Variants in USH2A observed in about 807,000 individuals in gnomAD.
USH2A encodes the protein usherin.
In USH2A, 443 loss-of-function variants were observed where a neutral mutation model predicts 538.9. The observed-to-expected ratio is 0.82, with a 90% CI of 0.76 to 0.89. The LOEUF is 0.89. Ranked by LOEUF, USH2A falls within the 40% of genes least tolerant of loss-of-function variation. USH2A has a pLI of 0.00. For missense variants in USH2A, 6,633 were observed against 6,324.8 expected (o/e 1.05, Z -1.65); for synonymous variants, 2,413 against 2,273.5 (o/e 1.06, Z -1.75).
chr1:216,212,351 G>A (rs2035258504), intron 15 of USH2A, among the ~76,000 whole-genome samples: 1 of 152,094 alleles, frequency 6.6e-6, no homozygotes, highest in Admixed American at 6.5e-5. Context: ...ACACTTTTGA[G>A]AATAATATTA....
intron 69 of USH2A, among the ~76,000 whole-genome samples, chr1:215,637,813 T>G (rs1656543636): frequency 6.6e-6 from 1 of 152,042 alleles, no homozygotes; most frequent in Admixed American, 6.5e-5. Flanking sequence ...TCAGAAATTT[T>G]GGACATGTTT....
intron 44 of USH2A, among the ~76,000 whole-genome samples, chr1:215,853,260 G>A (rs1664068319): frequency 6.6e-6 from 1 of 152,228 alleles, no homozygotes; most frequent in Non-Finnish European, 1.5e-5. Flanking sequence ...ACCCTCTGAA[G>A]CCGTGGCCCA....
At chr1:216,113,273 T>C (rs2032921137) in intron 21 of USH2A, among the ~76,000 whole-genome samples, 2 of 152,146 alleles carry the variant, frequency 1.3e-5, no homozygotes, top group South Asian at 4.1e-4. Flanking sequence ...GATACTGAAT[T>C]GCATGATCTC....
intron 55 of USH2A, among the ~76,000 whole-genome samples, chr1:215,778,399 A>C (rs893506433): frequency 6.6e-6 from 1 of 152,182 alleles, no homozygotes. Flanking sequence ...GGTAAGGAAT[A>C]CAATGTGCCA....
Position 215,728,391 on chromosome 1 carries a change from G to C in USH2A, c.11712-7C>G. 6.2e-7 allele frequency: 1 copy of C among 1,613,720 alleles called. No individual in the cohort carries two copies. The highest frequency in any genetic ancestry group is 8.5e-7 in the Non-Finnish European group (1 of 1,179,916). ...TTCAATGCCAGCAGGGCGTCTGAAA[G>C]GAAACCAAGCAGGCAACCAGTGACA... On this transcript the variant is annotated splice_region_variant and splice_polypyrimidine_tract_variant and intron_variant, in intron 60 of 71. Coordinates refer to ENST00000307340, the MANE Select transcript of USH2A (RefSeq NM_206933.4).
In USH2A at chr1:216,222,698, G is replaced by A. The variant is rs1319751765; in HGVS notation, c.2994-5148C>T. Among the ~76,000 whole-genome samples, 8 of 152,332 alleles carry A rather than the reference G, an allele frequency of 5.3e-5. No individual in the cohort carries two copies. In the South Asian group the frequency reaches 8.3e-4, roughly 16 times the overall value. ...AGGAGCCATGAGCTAAAGAATGTAC[G>A]ATGGGTGCGGTGGCTCACGCCTGTA... On this transcript the variant is annotated intron_variant, in intron 14 of 71. Coordinates refer to ENST00000307340, the MANE Select transcript of USH2A (RefSeq NM_206933.4).
chr1:215,683,849 T>C (rs1658326464), intron 61 of USH2A, among the ~76,000 whole-genome samples: 1 of 152,170 alleles, frequency 6.6e-6, no homozygotes, highest in South Asian at 2.1e-4. Flanking sequence ...CTCTTCCTAA[T>C]GATTTTTTTG....
At chr1:216,226,655 A>G (rs3767688) in intron 14 of USH2A, among the ~76,000 whole-genome samples, 6,349 of 152,280 alleles carry the variant, frequency 0.042, 158 homozygotes, top group African/African-American at 0.064. Flanking sequence ...CTTTTGTTTT[A>G]GTGCAGTCAG....
At chr1:216,259,100 C>A (rs570875764) in intron 11 of USH2A, among the ~76,000 whole-genome samples, 1 of 152,078 alleles carries the variant, frequency 6.6e-6, no homozygotes, top group Non-Finnish European at 1.5e-5. Context: ...TGTTAAGCAG[C>A]CAAAATTGGA....
chr1:215,977,518 T>TAA (rs397801498), intron 35 of USH2A, among the ~76,000 whole-genome samples: 40 of 146,658 alleles, frequency 2.7e-4, no homozygotes, highest in African/African-American at 9.0e-4. Context: ...ATTAATTAAT[T>TAA]TTTTTGGAGA....
intron 38 of USH2A, among the ~76,000 whole-genome samples, chr1:215,904,463 A>G (rs748267202): frequency 1.3e-5 from 2 of 152,112 alleles, no homozygotes; most frequent in African/African-American, 4.8e-5. Flanking sequence ...GTATGCTTCC[A>G]GTAACACTGA....
intron 4 of USH2A, among the ~76,000 whole-genome samples, chr1:216,347,267 G>A (rs966127973): frequency 1.3e-5 from 2 of 152,080 alleles, no homozygotes; most frequent in Non-Finnish European, 2.9e-5. Context: ...GAGACAGATG[G>A]TTTGGAGATC....
chr1:215,999,169 T>C (rs929163617), intron 33 of USH2A, 111 bp from the exon 34 acceptor site: 11 of 942,308 alleles, frequency 1.2e-5, no homozygotes, highest in African/African-American at 8.3e-5. Context: ...TTAAAAAACA[T>C]AAATCTCAAA....
Position 215,782,702 on chromosome 1 carries a change from G to A in USH2A, c.10585+36C>T, listed in dbSNP as rs1415095891. 2.5e-6 allele frequency: 4 copies of A among 1,602,334 alleles called. No homozygotes were observed. The African/African-American group carries it at 4.0e-5, about 16-fold the overall frequency. On this transcript the variant is annotated intron_variant, in intron 53 of 71. Transcript: ENST00000307340. Reference sequence around the variant, plus strand: ...TTTCAATTTTCTTATGAATTTATGGGATTTTGTTATTTGTATTTTAAAGGT... The same window carrying A: ...TTTCAATTTTCTTATGAATTTATGGAATTTTGTTATTTGTATTTTAAAGGT...
chr1:216,354,652 A>C (rs2038347709), intron 4 of USH2A, among the ~76,000 whole-genome samples: 1 of 152,160 alleles, frequency 6.6e-6, no homozygotes, highest in South Asian at 2.1e-4. Context: ...TTGACCAGTG[A>C]AATAAAGACA....
rs552583405 is a variant in USH2A, at chr1:216,264,171, CTG to C, written c.1972-13075_1972-13074del. 4.2e-3 allele frequency among the ~76,000 whole-genome samples: 644 copies of C among 152,228 alleles called. 7 individuals are homozygous for C. The highest frequency in any genetic ancestry group is 0.015 in the African/African-American group (616 of 41,548). On this transcript the variant is annotated intron_variant, in intron 11 of 71. Transcript: ENST00000307340. ...AGAGGAACTAATATTATAAAAATGA[CTG>C]TATTATCAAAAGCAATCTACAGATT...
chr1:215,630,010 T>C (rs1002358904), intron 70 of USH2A: 8 of 465,428 alleles, frequency 1.7e-5, no homozygotes, highest in African/African-American at 1.4e-4. Flanking sequence ...CTCCTGACCT[T>C]GTGATCCGCC....
chr1:216,249,832 A>T (rs2036124579), intron 12 of USH2A, among the ~76,000 whole-genome samples: 1 of 152,102 alleles, frequency 6.6e-6, no homozygotes, highest in South Asian at 2.1e-4. Flanking sequence ...ATTCAGAATG[A>T]TATGTACATA....
At chr1:216,163,282 A>C (rs1053523092) in intron 21 of USH2A, among the ~76,000 whole-genome samples, 1 of 151,992 alleles carries the variant, frequency 6.6e-6, no homozygotes, top group Admixed American at 6.6e-5. Context: ...CTATTCTAAT[A>C]TATTCCCATT....
Sources: gnomAD v4.1 joint callset for allele counts (sites outside exome capture counted in the v4.1 genomes callset) on GRCh38, gnomAD v4.1.1 for gene constraint, MANE v1.5 for transcripts, NCBI Gene and HGNC (gene_info 2026-07-23, HGNC 2026-07-21) for gene names.